TSC2: variants seen among roughly 807,000 people sequenced by gnomAD.
TSC2 encodes the protein TSC complex subunit 2, also known as tuberin.
TSC2 carries 29 observed loss-of-function variants against 202.2 expected under a neutral mutation model. The ratio of observed to expected loss-of-function variants is 0.14; its 90% confidence interval spans 0.11 to 0.20. The LOEUF is 0.20. TSC2 is among the 10% of genes least tolerant of loss of function. The pLI is 1.00. For missense variants in TSC2, 2,429 were observed against 2,420.0 expected (o/e 1.00, Z -0.08); for synonymous variants, 1,349 against 1,044.0 (o/e 1.29, Z -5.63).
chr16:2,063,189 G>C, intron 14 of TSC2, 136 bp downstream of exon 14: 2 of 1,113,866 alleles, frequency 1.8e-6, no homozygotes, highest in African/African-American at 1.5e-5. Context: ...GCAGCCCCCA[G>C]CGTGGTCTGT....
rs765622787 is a variant in TSC2 at position 2,061,964 on chromosome 16, G to C, written c.1213G>C (p.Glu405Gln). The change falls in exon 12 of 42, where the codon GAG (glutamate) becomes CAG (glutamine). Residue 405 changes from glutamate to glutamine, a missense_variant. By Grantham distance (29) the Glu-to-Gln change is conservative. Coordinates refer to ENST00000219476, the MANE Select transcript of TSC2 (RefSeq NM_000548.5). ...CDQNEFHGSQ[E>Q]RYFELVERCA... ...CCAGAACGAGTTCCACGGGTCTCAG[G>C]AGAGATACTTTGAACTGGTGGAGAG... is the stretch of plus-strand genomic sequence containing the variant. 4.5e-5 allele frequency: 73 copies of C among 1,614,080 alleles called. No individual in the cohort carries two copies. Among genetic ancestry groups the C allele is most frequent in the Non-Finnish European group, 6.2e-5 (73 of 1,180,040 alleles).
At chr16:2,055,583 G>T (rs1596271680) in intron 6 of TSC2, 64 bp downstream of exon 6, 1 of 1,500,682 alleles carries the variant, frequency 6.7e-7, no homozygotes, top group East Asian at 2.3e-5. Flanking sequence ...AGTGAATAAA[G>T]TTGAAACCAC....
intron 16 of TSC2, 117 bp downstream of exon 16, chr16:2,065,752 G>C (rs1243906965): frequency 1.1e-6 from 1 of 931,186 alleles, no homozygotes; most frequent in Non-Finnish European, 1.7e-6. Context: ...CCCTGGATTT[G>C]CTGAGGGTGC....
chr16:2,068,719 A>G (rs1222387640), intron 16 of TSC2: 1 of 152,074 alleles, frequency 6.6e-6, no homozygotes, highest in African/African-American at 2.4e-5. Flanking sequence ...CTAAAAATAC[A>G]AAAATTAGCT....
At chr16:2,086,517 C>A (rs376469926) in intron 37 of TSC2, 138 bp downstream of exon 37, 4 of 1,421,072 alleles carry the variant, frequency 2.8e-6, no homozygotes, top group Admixed American at 2.0e-5. Flanking sequence ...GGTTCCGAGC[C>A]TAACAGCGTG....
chr16:2,064,443 C>T lies in TSC2; in HGVS notation c.1599+16C>T, dbSNP rs45517181. 23 of 1,612,646 alleles carry T rather than the reference C, an allele frequency of 1.4e-5. No individual in the cohort carries two copies. Among genetic ancestry groups the T allele is most frequent in the African/African-American group, 2.7e-5 (2 of 74,928 alleles). ...CATCGAGAAGGTGAGAGCCGTTGTA[C>T]CCGGGGCCGGGTGCTAGCGTGCCAG... On this transcript the variant is annotated intron_variant, in intron 15 of 41. Transcript: ENST00000219476.
Position 2,072,878 on chromosome 16 carries a change from C to T in TSC2, c.2250C>T (p.Leu750=), listed in dbSNP as rs1387127083. 3 of 1,613,472 alleles carry T rather than the reference C, an allele frequency of 1.9e-6. No homozygotes were observed. The highest frequency in any genetic ancestry group is 2.2e-5 in the East Asian group (1 of 44,900). ...MLSGPKTLER[L]RGAPEGFSRT... The stretch of plus-strand genomic sequence containing the variant: ...CAGGCCCAAAGACACTGGAGCGGCT[C>T]CGAGGCGCCCCAGAAGGCTTCTCCA... The change falls in exon 21 of 42, where the codon CTC becomes CTT. Residue 750 remains leucine, a synonymous_variant. Coordinates refer to ENST00000219476, the MANE Select transcript of TSC2 (RefSeq NM_000548.5).
chr16:2,088,025 G>A (rs369756111), intron 39 of TSC2, 23 bp from the exon 40 acceptor site: 1 of 1,612,872 alleles, frequency 6.2e-7, no homozygotes, highest in Non-Finnish European at 8.5e-7. Context: ...CCTGGGCCTG[G>A]CGTGACCACC....
chr16:2,079,259 C>G lies in TSC2; in HGVS notation c.3132-17C>G, dbSNP rs781476832. The G allele has an allele frequency of 6.2e-7, 1 of 1,612,954 alleles. No individual in the cohort carries two copies. Among genetic ancestry groups the G allele is most frequent in the Non-Finnish European group, 8.5e-7 (1 of 1,180,020 alleles). The stretch of plus-strand genomic sequence containing the variant: ...AGCTCCACGGGCAAGCTGGGTTTCA[C>G]GCTCCCTGTCTTCTAGGTCTCCTGT... On this transcript the variant is annotated splice_polypyrimidine_tract_variant and intron_variant, in intron 27 of 41. Coordinates refer to ENST00000219476, the MANE Select transcript of TSC2 (RefSeq NM_000548.5). This position sits in a 1 kb window ranked among gnomAD's most constrained non-coding sequence, Gnocchi z 4.6.
At chr16:2,050,605 T>C in intron 3 of TSC2, 119 bp downstream of exon 3, 1 of 809,860 alleles carries the variant, frequency 1.2e-6, no homozygotes, top group Non-Finnish European at 2.0e-6. Context: ...GCACTTTTTT[T>C]TTTTTTTTTT....
chr16:2,088,013 G>A, intron 39 of TSC2, 35 bp from the exon 40 acceptor site: 2 of 1,612,836 alleles, frequency 1.2e-6, no homozygotes, highest in African/African-American at 1.3e-5. Context: ...GGCGCCAAGA[G>A]CCCTGGGCCT....
intron 19 of TSC2, 75 bp downstream of exon 19, chr16:2,072,009 G>A: frequency 5.3e-6 from 8 of 1,504,026 alleles, no homozygotes; most frequent in Non-Finnish European, 6.2e-6. Context: ...TGCCTGCTGG[G>A]CCTCCCTCCC....
intron 16 of TSC2, among the ~76,000 whole-genome samples, chr16:2,069,589 C>T (rs1223873928): frequency 2.0e-5 from 3 of 152,128 alleles, no homozygotes; most frequent in Non-Finnish European, 2.9e-5. Flanking sequence ...ACGCCATTCT[C>T]CTGCCTCAGC....
In TSC2 at chr16:2,071,493, C is replaced by T. The variant is rs1246308547; in HGVS notation, c.1840-17C>T. The T allele has an allele frequency of 4.3e-6, 7 of 1,613,134 alleles. No individual in the cohort carries two copies. The highest frequency in any genetic ancestry group is 1.6e-4 in the Middle Eastern group (1 of 6,084). On this transcript the variant is annotated splice_polypyrimidine_tract_variant and intron_variant, in intron 17 of 41. Coordinates refer to ENST00000219476, the MANE Select transcript of TSC2 (RefSeq NM_000548.5). ...GCACGAGCTTGGCTCTGGCTTTCAC[C>T]ATCCTCTTCCTGACAGGCCTTTGAC...
intron 17 of TSC2, 156 bp from the exon 18 acceptor site, chr16:2,071,354 A>C (rs964176927): frequency 2.7e-6 from 2 of 745,570 alleles, no homozygotes; most frequent in Non-Finnish European, 4.6e-6. Context: ...ACCAGGACAG[A>C]GCCTGTGTCT....
At chr16:2,053,276 T>C in intron 3 of TSC2, 66 bp from the exon 4 acceptor site, 1 of 1,492,958 alleles carries the variant, frequency 6.7e-7, no homozygotes. Context: ...ACGGCACTGC[T>C]CCAGTTGCCG....
intron 21 of TSC2, among the ~76,000 whole-genome samples, chr16:2,073,202 C>T (rs2088750965): frequency 6.6e-6 from 1 of 152,236 alleles, no homozygotes; most frequent in South Asian, 2.1e-4. Context: ...ATCCAGTGTT[C>T]CCTGTCCACC....
intron 35 of TSC2, 66 bp downstream of exon 35, chr16:2,085,092 C>G: frequency 6.2e-7 from 1 of 1,607,234 alleles, no homozygotes; most frequent in Non-Finnish European, 8.5e-7. Flanking sequence ...GTGGGGGGCC[C>G]AGCTCTGCTG....
At chr16:2,074,431 G>C (rs1387440736) in intron 22 of TSC2, 42 bp downstream of exon 22, 1 of 1,602,296 alleles carries the variant, frequency 6.2e-7, no homozygotes, top group East Asian at 2.2e-5. Flanking sequence ...GAGAGGTTCG[G>C]GCTGTGTAAC....
Sources: allele counts gnomAD v4.1 joint callset (sites outside exome capture counted in the v4.1 genomes callset), GRCh38; gene constraint gnomAD v4.1.1; non-coding constraint Gnocchi (gnomAD v3.1); transcripts MANE v1.5; gene names NCBI Gene and HGNC (gene_info 2026-07-23, HGNC 2026-07-21).